Variants in COL24A1 observed in about 807,000 individuals in gnomAD.
COL24A1 encodes the protein collagen type XXIV alpha 1 chain.
In COL24A1, 224 loss-of-function variants were observed where a neutral mutation model predicts 253.9. That is an observed-to-expected ratio of 0.88 (90% CI 0.79 to 0.99). COL24A1 has a LOEUF of 0.99. Ranked by LOEUF, COL24A1 falls within the 50% of genes least tolerant of loss-of-function variation. The pLI, the probability that COL24A1 is intolerant of heterozygous loss-of-function variation, is 0.00. For synonymous variants in COL24A1, 685 were observed against 673.7 expected, an observed-to-expected ratio of 1.02 and a Z score of -0.26; for missense variants, 2,131 against 2,068.5, an observed-to-expected ratio of 1.03 and a Z score of -0.59.
chr1:85,795,519 G>T (rs1252677581), intron 47 of COL24A1, among the ~76,000 whole-genome samples: 1 of 152,066 alleles, frequency 6.6e-6, no homozygotes, highest in Non-Finnish European at 1.5e-5. Context: ...GTTATGCTGA[G>T]TGAAATTACA....
rs1210620285 is a variant in COL24A1, at chr1:86,055,413, A to G, written c.1851+2518T>C. ...AAAACTTAACTAAAAGTACAACTTAAGAGGGTTACAGCCTAGAAAACAATT... is the reference window on the plus strand; with the variant it reads ...AAAACTTAACTAAAAGTACAACTTAGGAGGGTTACAGCCTAGAAAACAATT... On this transcript the variant is annotated intron_variant, in intron 10 of 59. Transcript: ENST00000370571. 3.3e-5 allele frequency among the ~76,000 whole-genome samples: 5 copies of G among 152,242 alleles called. 1 individual carries two copies. In the East Asian group the frequency reaches 9.6e-4, roughly 29 times the overall value.
At chr1:85,997,055 G>GTGTA in intron 19 of COL24A1, among the ~76,000 whole-genome samples, 19 of 95,090 alleles carry the variant, frequency 2.0e-4, no homozygotes, top group South Asian at 4.2e-4. Flanking sequence ...GTGTGTGTGT[G>GTGTA]TATATATATA....
At chr1:86,090,410 C>T (rs556616349) in intron 6 of COL24A1, among the ~76,000 whole-genome samples, 18 of 152,166 alleles carry the variant, frequency 1.2e-4, no homozygotes, top group African/African-American at 4.1e-4. Context: ...TTTTAAGCTC[C>T]CAAAGGGCTT....
chr1:85,900,441 T>C (rs111708487), intron 28 of COL24A1, among the ~76,000 whole-genome samples: 1,802 of 151,938 alleles, frequency 0.012, 29 homozygotes, highest in African/African-American at 0.04. Flanking sequence ...GAGTTCAAGA[T>C]CAGCCTGGGT....
At chr1:86,051,185 T>C (rs1700272368) in intron 10 of COL24A1, among the ~76,000 whole-genome samples, 1 of 152,146 alleles carries the variant, frequency 6.6e-6, no homozygotes, top group African/African-American at 2.4e-5. Flanking sequence ...TCAACAAACA[T>C]TATTTTAGTA....
At chr1:86,151,866 A>G (rs544937926) in intron 1 of COL24A1, among the ~76,000 whole-genome samples, 4 of 152,292 alleles carry the variant, frequency 2.6e-5, no homozygotes, top group African/African-American at 9.6e-5. Context: ...TGAATAGACA[A>G]CTTTTTATGA....
intron 7 of COL24A1, among the ~76,000 whole-genome samples, chr1:86,084,099 G>A (rs982369152): frequency 2.6e-5 from 4 of 151,994 alleles, no homozygotes; most frequent in African/African-American, 9.7e-5. Context: ...CTATAACCAT[G>A]GTTTGACCAA....
chr1:85,845,060 T>G (rs922073886), intron 39 of COL24A1, among the ~76,000 whole-genome samples: 3 of 151,916 alleles, frequency 2.0e-5, no homozygotes, highest in African/African-American at 7.2e-5. Context: ...TGCTTACAAA[T>G]ACAAATGCAA....
chr1:85,957,151 G>A (rs1180828453), intron 24 of COL24A1, among the ~76,000 whole-genome samples: 1 of 152,064 alleles, frequency 6.6e-6, no homozygotes, highest in Non-Finnish European at 1.5e-5. Context: ...GAGAACACAT[G>A]GACACCACGA....
chr1:86,013,977 C>T (rs900673670), intron 19 of COL24A1, among the ~76,000 whole-genome samples: 3 of 152,200 alleles, frequency 2.0e-5, no homozygotes, highest in Non-Finnish European at 4.4e-5. Flanking sequence ...CCTGCACAGT[C>T]CCCTTACTCT....
chr1:85,921,746 G>C (rs1176220718), intron 24 of COL24A1, among the ~76,000 whole-genome samples: 1 of 152,154 alleles, frequency 6.6e-6, no homozygotes, highest in African/African-American at 2.4e-5. Context: ...AAATTCCACA[G>C]AGTGCCTCTT....
rs185786448 is a variant in COL24A1, at chr1:85,745,415, A to G, written c.4503+26T>C. On this transcript the variant is annotated intron_variant, in intron 56 of 59. Coordinates refer to ENST00000370571, the MANE Select transcript of COL24A1 (RefSeq NM_152890.7). ...AATTGGTATATTGAGAGACAGTGCC[A>G]ATATAAATAAAACCAGATATGTTAC... is the stretch of plus-strand genomic sequence containing the variant. 102 of 1,563,506 alleles carry G rather than the reference A, an allele frequency of 6.5e-5. No homozygotes were observed. The East Asian group carries it at 1.9e-3, about 29-fold the overall frequency.
chr1:86,078,730 A>C (rs988308512), intron 7 of COL24A1, among the ~76,000 whole-genome samples: 1 of 152,166 alleles, frequency 6.6e-6, no homozygotes, highest in African/African-American at 2.4e-5. Context: ...CACATAAAAT[A>C]AACTAGGAAT....
At chr1:85,892,684 T>G (rs1236817825) in intron 31 of COL24A1, among the ~76,000 whole-genome samples, 1 of 152,052 alleles carries the variant, frequency 6.6e-6, no homozygotes, top group Non-Finnish European at 1.5e-5. Flanking sequence ...TTAAAATATA[T>G]GTAGATGTAA....
chr1:86,030,031 C>T (rs1698414108), intron 14 of COL24A1: 1 of 151,938 alleles, frequency 6.6e-6, no homozygotes, highest in African/African-American at 2.4e-5. Flanking sequence ...TACCTTTAGC[C>T]ATCATCTGCC....
At chr1:85,830,101 G>A (rs1028544416) in intron 43 of COL24A1, among the ~76,000 whole-genome samples, 31 of 151,924 alleles carry the variant, frequency 2.0e-4, no homozygotes, top group Admixed American at 5.9e-4. Flanking sequence ...ATGGGTTTTC[G>A]GTGTGGATGT....
intron 24 of COL24A1, among the ~76,000 whole-genome samples, chr1:85,920,033 T>C (rs1292863229): frequency 1.3e-5 from 2 of 152,114 alleles, no homozygotes; most frequent in Non-Finnish European, 2.9e-5. Flanking sequence ...GTGAAGAAAA[T>C]AAAATTAAGC....
At chr1:85,864,727 C>A (rs1162502639) in intron 37 of COL24A1, among the ~76,000 whole-genome samples, 1 of 152,142 alleles carries the variant, frequency 6.6e-6, no homozygotes, top group East Asian at 1.9e-4. Context: ...ATATTTACCT[C>A]TACCTAATAT....
At chr1:85,925,831 G>A (rs1440551130) in intron 24 of COL24A1, among the ~76,000 whole-genome samples, 3 of 152,022 alleles carry the variant, frequency 2.0e-5, no homozygotes, top group Admixed American at 6.6e-5. Context: ...ATGGGATCTA[G>A]TTAAACTAAA....
Sources: allele counts gnomAD v4.1 joint callset (sites outside exome capture counted in the v4.1 genomes callset), GRCh38; gene constraint gnomAD v4.1.1; transcripts MANE v1.5; gene names NCBI Gene and HGNC (gene_info 2026-07-23, HGNC 2026-07-21).